The following NUP205 variants were observed in gnomAD, a reference collection of about 807,000 sequenced individuals.
The protein encoded by NUP205 is nucleoporin 205.
Under a neutral mutation model 253.8 loss-of-function variants are expected in NUP205, and 76 were observed. The ratio of observed to expected loss-of-function variants is 0.30; its 90% CI spans 0.25 to 0.36. NUP205 has a LOEUF of 0.36. Ranked by LOEUF, NUP205 falls within the 10% of genes least tolerant of loss-of-function variation. NUP205 has a pLI of 1.00. For synonymous variants in NUP205, 832 were observed against 850.1 expected, an observed-to-expected ratio of 0.98 and a Z score of 0.37; for missense variants, 2,162 against 2,425.5, an observed-to-expected ratio of 0.89 and a Z score of 2.28.
At chr7:135,624,997 G>A (rs928921200) in intron 31 of NUP205, among the ~76,000 whole-genome samples, 167 bp from the exon 32 acceptor site, 2 of 152,034 alleles carry the variant, frequency 1.3e-5, no homozygotes, top group Middle Eastern at 3.4e-3. Context: ...TGGAGCCATA[G>A]TTTTTAACTT....
At chr7:135,558,338 C>T (rs538427854) in intron 1 of NUP205, 10 of 279,788 alleles carry the variant, frequency 3.6e-5, no homozygotes, top group African/African-American at 1.5e-4. Context: ...GCCAGAGGAC[C>T]CGAGATATTT....
chr7:135,624,150 G>C (rs1794532053), intron 31 of NUP205, among the ~76,000 whole-genome samples: 1 of 152,122 alleles, frequency 6.6e-6, no homozygotes, highest in Non-Finnish European at 1.5e-5. Context: ...GTAGGAGACA[G>C]ACCAAAATGG....
At chr7:135,564,666 G>A (rs1169834265) in intron 1 of NUP205, among the ~76,000 whole-genome samples, 1 of 151,924 alleles carries the variant, frequency 6.6e-6, no homozygotes. Flanking sequence ...CAAAGTGCTA[G>A]GATTACAGGT....
rs1793886911 is a variant in NUP205 at position 135,598,110 on chromosome 7, G to A, written c.2177G>A (p.Gly726Glu). 6.2e-7 allele frequency: 1 copy of A among 1,614,130 alleles called. No homozygotes were observed. The change falls in exon 15 of 43, where the codon GGA (glycine) becomes GAA (glutamate). Residue 726 changes from glycine to glutamate, a missense_variant. By Grantham distance (98) the Gly-to-Glu change is moderately conservative (BLOSUM62 -2). Around this residue, in one of 5 missense-constraint regions of NUP205, gnomAD observed 892 missense variants for 957.1 expected, o/e 0.93. Coordinates refer to ENST00000285968, the MANE Select transcript of NUP205 (RefSeq NM_015135.3). ...TCATTTCCTTCTAATTTGGGTGCTG[G>A]ACTGCGGCCCCCTGGCTTTGACCCT... ...ESSFPSNLGAGLRPPGFDPYL... is the reference protein window; with the variant it reads ...ESSFPSNLGAELRPPGFDPYL...
chr7:135,593,267 TTTTAA>T lies in NUP205; in HGVS notation c.1830+81_1830+85del, dbSNP rs935773672. 1.3e-4 allele frequency: 170 copies of T among 1,307,802 alleles called. No individual in the cohort carries two copies. The African/African-American group carries it at 2.1e-3, about 16-fold the overall frequency. The allele number at this position is 1,307,802 out of a possible 1,614,324, so 81.0% of individuals were successfully genotyped here. A position where few individuals can be genotyped will look rare whatever the true frequency, so the allele number is the denominator to read the frequency against. ...CATTTTAAGAGCCCCAAACATTTTC[TTTTAA>T]TTTAAGAGTAATAAACTTAGCCTAT... On this transcript the variant is annotated intron_variant, in intron 12 of 42. Transcript: ENST00000285968.
At chr7:135,570,407 G>C (rs1805924300) in intron 1 of NUP205, among the ~76,000 whole-genome samples, 1 of 151,210 alleles carries the variant, frequency 6.6e-6, no homozygotes, top group Admixed American at 6.6e-5. Flanking sequence ...TAGAGACGGG[G>C]TTTCACCATG....
chr7:135,626,358 A>C lies in NUP205; in HGVS notation c.4790A>C (p.Gln1597Pro). The C allele has an allele frequency of 6.2e-7, 1 of 1,614,054 alleles. No individual in the cohort carries two copies. The highest frequency in any genetic ancestry group is 8.5e-7 in the Non-Finnish European group (1 of 1,179,964). Residue 1597 changes from glutamine to proline, a missense_variant, in exon 33 of 43, where the codon CAG (glutamine) becomes CCG (proline). Transcript: ENST00000285968. ...GACATGCGCCCAGAAACGGACCCGCAGAGGTAAGTGTCTGTATAGATTAAT... is the reference window on the plus strand; with the variant it reads ...GACATGCGCCCAGAAACGGACCCGCCGAGGTAAGTGTCTGTATAGATTAAT... ...VYDMRPETDP[Q>P]SMFGMRDPPM...
rs116962945 is a variant in NUP205, at chr7:135,614,131, A to G, written c.3196-28A>G. The G allele has an allele frequency of 1.1e-3, 1,319 of 1,223,686 alleles. 3 individuals carry two copies. The highest frequency in any genetic ancestry group is 1.3e-3 in the Non-Finnish European group (1,101 of 830,048). 75.8% of individuals were successfully genotyped at this position (1,223,686 alleles called of 1,614,324 possible). On this transcript the variant is annotated intron_variant, in intron 22 of 42. Coordinates refer to ENST00000285968, the MANE Select transcript of NUP205 (RefSeq NM_015135.3). ...ATGTGTAACACAGAAAGACTGATTC[A>G]GGGATTTTTCTTACTTTAATGCTTT... is the stretch of plus-strand genomic sequence containing the variant.
intron 32 of NUP205, among the ~76,000 whole-genome samples, 190 bp from the exon 33 acceptor site, chr7:135,626,050 T>C (rs1794582335): frequency 6.6e-6 from 1 of 152,226 alleles, no homozygotes; most frequent in African/African-American, 2.4e-5. Flanking sequence ...GTGGGCGCTT[T>C]AGATATGTTG....
At chr7:135,619,739 T>C in intron 29 of NUP205, 49 bp downstream of exon 29, 1 of 1,595,724 alleles carries the variant, frequency 6.3e-7, no homozygotes, top group South Asian at 1.1e-5. Flanking sequence ...GTATTTGTTT[T>C]AACTTTAATT....
At chr7:135,570,403 C>T (rs1266881193) in intron 1 of NUP205, among the ~76,000 whole-genome samples, 1 of 151,074 alleles carries the variant, frequency 6.6e-6, no homozygotes, top group Non-Finnish European at 1.5e-5. Context: ...TTAGTAGAGA[C>T]GGGGTTTCAC....
At chr7:135,612,958 T>C (rs1452516052) in intron 22 of NUP205, among the ~76,000 whole-genome samples, 1 of 152,088 alleles carries the variant, frequency 6.6e-6, no homozygotes, top group Non-Finnish European at 1.5e-5. Flanking sequence ...TGGCATGCAA[T>C]TACTGTAGTC....
intron 22 of NUP205, among the ~76,000 whole-genome samples, chr7:135,610,141 T>C (rs1794191547): frequency 6.6e-6 from 1 of 152,232 alleles, no homozygotes; most frequent in Non-Finnish European, 1.5e-5. Context: ...TTAAAGTTGT[T>C]CTAACTTTTA....
chr7:135,573,651 T>C lies in NUP205; in HGVS notation c.172-3T>C, dbSNP rs747455909. On this transcript the variant is annotated splice_region_variant and splice_polypyrimidine_tract_variant and intron_variant, in intron 2 of 42. Coordinates refer to ENST00000285968, the MANE Select transcript of NUP205 (RefSeq NM_015135.3). ...CATAACAATTACAATTTTATCATTGTAGCCAAAAAATGTTCAACAGCATGA... is the reference window on the plus strand; with the variant it reads ...CATAACAATTACAATTTTATCATTGCAGCCAAAAAATGTTCAACAGCATGA... The C allele has an allele frequency of 6.2e-7, 1 of 1,605,416 alleles. No homozygotes were observed.
chr7:135,570,610 CTT>C (rs537882019), intron 1 of NUP205, among the ~76,000 whole-genome samples: 9 of 141,268 alleles, frequency 6.4e-5, no homozygotes, highest in East Asian at 6.0e-4. Flanking sequence ...ATTAGTGTCT[CTT>C]AATCAGTTAC....
intron 12 of NUP205, among the ~76,000 whole-genome samples, chr7:135,593,519 T>A (rs1363791940): frequency 1.3e-5 from 2 of 152,216 alleles, no homozygotes; most frequent in Admixed American, 6.5e-5. Flanking sequence ...TGCATTTATA[T>A]GTGTGTATGC....
intron 7 of NUP205, among the ~76,000 whole-genome samples, chr7:135,583,240 G>A (rs921485539): frequency 6.6e-6 from 1 of 152,172 alleles, no homozygotes; most frequent in African/African-American, 2.4e-5. Context: ...TGGTTTGTAT[G>A]ACAGTCAAAC....
chr7:135,560,227 C>G (rs947950756), intron 1 of NUP205, among the ~76,000 whole-genome samples: 15 of 151,760 alleles, frequency 9.9e-5, no homozygotes, highest in African/African-American at 3.6e-4. Flanking sequence ...AACTCCTGAC[C>G]TCAGGTGATC....
intron 31 of NUP205, 71 bp downstream of exon 31, chr7:135,622,996 G>C: frequency 6.7e-7 from 1 of 1,484,900 alleles, no homozygotes; most frequent in Non-Finnish European, 9.2e-7. Context: ...ACTGATTCAC[G>C]GCTGGGTGTG....
Sources: gnomAD v4.1 joint callset for allele counts (sites outside exome capture counted in the v4.1 genomes callset) on GRCh38, gnomAD v4.1.1 for gene constraint, gnomAD v4.1.1 regional missense constraint, MANE v1.5 for transcripts, NCBI Gene and HGNC (gene_info 2026-07-23, HGNC 2026-07-21) for gene names.